Variants in PRKN observed in about 807,000 individuals in gnomAD.
PRKN encodes E3 ubiquitin-protein ligase parkin.
A neutral mutation model predicts 59.5 loss-of-function variants in PRKN; 56 were observed. The observed-to-expected ratio is 0.94, with a 90% CI of 0.76 to 1.18. PRKN has a LOEUF of 1.18. Ranked by LOEUF, PRKN falls within the 50% of genes most tolerant of loss-of-function variation. The pLI, the probability that PRKN is intolerant of heterozygous loss-of-function variation, is 0.00. For missense variants in PRKN, 657 were observed against 596.4 expected (o/e 1.10, Z -1.06); for synonymous variants, 250 against 222.1 (o/e 1.13, Z -1.12).
At chr6:161,730,363 T>G (rs1196586466) in intron 7 of PRKN, among the ~76,000 whole-genome samples, 1 of 150,984 alleles carries the variant, frequency 6.6e-6, no homozygotes, top group African/African-American at 2.5e-5. Flanking sequence ...ATATGTTGCA[T>G]TCTGATGTGT....
In PRKN at chr6:162,582,961, G is replaced by A. The variant is rs575951015; in HGVS notation, c.8-139488C>T. Among the ~76,000 whole-genome samples the A allele has an allele frequency of 3.1e-4, 47 of 152,288 alleles. 1 individual carries two copies. In the East Asian group the frequency reaches 7.9e-3, roughly 26 times the overall value. On this transcript the variant is annotated intron_variant, in intron 1 of 11. Coordinates refer to ENST00000366898, the MANE Select transcript of PRKN (RefSeq NM_004562.3). ...CATCTTGAAATTTGGCTGCCATTGTGACAGTGATAGGAGGTAGGACTTTTA... is the reference window on the plus strand; with the variant it reads ...CATCTTGAAATTTGGCTGCCATTGTAACAGTGATAGGAGGTAGGACTTTTA...
intron 4 of PRKN, among the ~76,000 whole-genome samples, chr6:162,191,465 C>T (rs184953013): frequency 9.2e-5 from 14 of 152,158 alleles, no homozygotes; most frequent in East Asian, 3.9e-4. Context: ...ATTTTTGAGA[C>T]GGAGCCTCAC....
At chr6:161,784,573 A>G (rs1282291200) in intron 7 of PRKN, among the ~76,000 whole-genome samples, 2 of 152,182 alleles carry the variant, frequency 1.3e-5, no homozygotes, top group African/African-American at 4.8e-5. Flanking sequence ...AATCCACAAT[A>G]AGACACCACT....
At chr6:162,355,904 A>G (rs1309576715) in intron 2 of PRKN, among the ~76,000 whole-genome samples, 2 of 152,154 alleles carry the variant, frequency 1.3e-5, no homozygotes, top group Admixed American at 6.5e-5. Context: ...ACTCAAATGT[A>G]AATTATTAAG....
intron 2 of PRKN, among the ~76,000 whole-genome samples, chr6:162,434,029 A>G (rs1789658762): frequency 6.6e-6 from 1 of 152,194 alleles, no homozygotes; most frequent in African/African-American, 2.4e-5. Context: ...CAAAGTATCC[A>G]GAACAAATAA....
At chr6:161,767,066 T>C (rs551968645) in intron 7 of PRKN, among the ~76,000 whole-genome samples, 1 of 152,088 alleles carries the variant, frequency 6.6e-6, no homozygotes, top group Admixed American at 6.5e-5. Context: ...AATAACCAGG[T>C]TAAGTTGGGG....
rs989568138 is a variant in PRKN at position 161,973,381 on chromosome 6, CAGAGGT to C, written c.649_654del (p.Thr217_Ser218del). The C allele has an allele frequency of 2.5e-6, 4 of 1,613,702 alleles. No individual in the cohort carries two copies. The highest frequency in any genetic ancestry group is 3.4e-6 in the Non-Finnish European group (4 of 1,179,632). On this transcript the variant is annotated inframe_deletion, in exon 6 of 12. Transcript: ENST00000366898. Reference sequence around the variant, plus strand: ...TGCAAAGCTACTGATGTTTCCTTGTCAGAGGTGGGGTGTGCTCCACATTTAAAGAAA... The same window carrying C: ...TGCAAAGCTACTGATGTTTCCTTGTCGGGGTGTGCTCCACATTTAAAGAAA...
chr6:162,622,993 A>C (rs1202911692), intron 1 of PRKN, among the ~76,000 whole-genome samples: 1 of 152,244 alleles, frequency 6.6e-6, no homozygotes, highest in Admixed American at 6.5e-5. Context: ...AACAGAAAAC[A>C]AAAACAAACA....
intron 5 of PRKN, among the ~76,000 whole-genome samples, chr6:162,045,506 G>C (rs924829705): frequency 6.6e-6 from 1 of 152,234 alleles, no homozygotes; most frequent in Non-Finnish European, 1.5e-5. Flanking sequence ...TCAACAGTAC[G>C]TGACATCGTC....
chr6:162,388,853 G>T (rs759939774), intron 2 of PRKN, among the ~76,000 whole-genome samples: 1 of 152,006 alleles, frequency 6.6e-6, no homozygotes, highest in Admixed American at 6.5e-5. Context: ...ATATAAAGTC[G>T]GGTATGGGGG....
chr6:161,771,998 T>C (rs1789711464), intron 7 of PRKN, among the ~76,000 whole-genome samples: 2 of 152,092 alleles, frequency 1.3e-5, no homozygotes, highest in Admixed American at 1.3e-4. Flanking sequence ...AAGAATAAAG[T>C]TTTATCACAG....
chr6:162,722,189 C>A (rs1402692343), intron 1 of PRKN, among the ~76,000 whole-genome samples: 1 of 152,142 alleles, frequency 6.6e-6, no homozygotes, highest in Non-Finnish European at 1.5e-5. Flanking sequence ...CCATCTAATA[C>A]ATATGGTATA....
At chr6:161,652,058 C>T (rs907167393) in intron 7 of PRKN, among the ~76,000 whole-genome samples, 2 of 152,166 alleles carry the variant, frequency 1.3e-5, no homozygotes, top group African/African-American at 4.8e-5. Flanking sequence ...ATTATCCTAC[C>T]TAGTGTCAAC....
Position 162,262,684 on chromosome 6 carries a change from C to T in PRKN, c.253G>A (p.Gly85Ser). The T allele has an allele frequency of 6.2e-7, 1 of 1,613,248 alleles. No homozygotes were observed. The highest frequency in any genetic ancestry group is 1.1e-5 in the South Asian group (1 of 91,070). ...RKGQEMNATGGDDPRNAAGGC... is the reference protein window; with the variant it reads ...RKGQEMNATGSDDPRNAAGGC... ...CCCGCCGCGTTTCTGGGGTCGTCGC[C>T]TCCAGTTGCATTCATTTCTTGACCT... is the stretch of plus-strand genomic sequence containing the variant. The change falls in exon 3 of 12, where the codon GGC (glycine) becomes AGC (serine). Residue 85 changes from glycine (G) to serine (S), a missense_variant. Physicochemically the swap from Gly to Ser is moderately conservative, Grantham distance 56. Transcript: ENST00000366898.
At chr6:161,902,556 A>ATCTATTTTTTTTTTTTTTTTTT (rs1382089937) in intron 6 of PRKN, among the ~76,000 whole-genome samples, 6 of 118,198 alleles carry the variant, frequency 5.1e-5, no homozygotes, top group Admixed American at 8.7e-5. Context: ...CTATTTATTT[A>ATCTATTTTTTTTTTTTTTTTTT]TTTATTTATT....
chr6:161,844,360 G>C (rs1053761701), intron 6 of PRKN, among the ~76,000 whole-genome samples: 1 of 152,222 alleles, frequency 6.6e-6, no homozygotes, highest in East Asian at 1.9e-4. Flanking sequence ...GAAAGTGATT[G>C]AAAGTTGATT....
intron 1 of PRKN, among the ~76,000 whole-genome samples, chr6:162,459,229 A>G (rs1339259487): frequency 6.6e-6 from 1 of 152,190 alleles, no homozygotes; most frequent in African/African-American, 2.4e-5. Context: ...GAGATACTAC[A>G]TGCAATCTGC....
chr6:162,222,106 T>C (rs1334276153), intron 3 of PRKN, among the ~76,000 whole-genome samples: 1 of 152,098 alleles, frequency 6.6e-6, no homozygotes. Flanking sequence ...TTGGACAACA[T>C]AGGAGGCAGA....
At chr6:161,966,500 A>G (rs1343454304) in intron 6 of PRKN, among the ~76,000 whole-genome samples, 1 of 152,202 alleles carries the variant, frequency 6.6e-6, no homozygotes, top group Non-Finnish European at 1.5e-5. Flanking sequence ...CCATTTTTAT[A>G]TGACTTAGGC....
Sources: gnomAD v4.1 joint callset for allele counts (sites outside exome capture counted in the v4.1 genomes callset) on GRCh38, gnomAD v4.1.1 for gene constraint, MANE v1.5 for transcripts, NCBI Gene and HGNC (gene_info 2026-07-23, HGNC 2026-07-21) for gene names.